The following PTPRG variants were observed in gnomAD, a reference collection of about 807,000 sequenced individuals.
PTPRG encodes protein tyrosine phosphatase receptor type G, also known as receptor-type tyrosine-protein phosphatase gamma.
In PTPRG, 102 loss-of-function variants were observed where a neutral mutation model predicts 165.3. The ratio of observed to expected loss-of-function variants is 0.62; its 90% CI spans 0.53 to 0.73. The LOEUF is 0.73. Among genes scored for constraint, PTPRG ranks in the 30% least tolerant of loss-of-function variants. The pLI, the probability that PTPRG is intolerant of heterozygous loss-of-function variation, is 0.00. For synonymous variants in PTPRG, 675 were observed against 669.5 expected, an observed-to-expected ratio of 1.01 and a Z score of -0.13; for missense variants, 1,866 against 1,861.4, an observed-to-expected ratio of 1.00 and a Z score of -0.05.
At chr3:61,709,480 A>G (rs971142665) in intron 1 of PTPRG, among the ~76,000 whole-genome samples, 2 of 152,052 alleles carry the variant, frequency 1.3e-5, no homozygotes, top group East Asian at 1.9e-4. Context: ...ACAGCTGGCT[A>G]ATTTTTGTAT....
chr3:61,768,231 T>A (rs672699), intron 2 of PTPRG, among the ~76,000 whole-genome samples: 107,845 of 152,116 alleles, frequency 0.71, 39,134 homozygotes, highest in Non-Finnish European at 0.8. Flanking sequence ...CGTGAACTTA[T>A]ATCTCTGTAA....
At chr3:62,132,746 G>C in intron 6 of PTPRG, 78 bp downstream of exon 6, 10 of 1,295,442 alleles carry the variant, frequency 7.7e-6, no homozygotes, top group Non-Finnish European at 1.1e-6. Context: ...AGGTTATCTT[G>C]CAGAGGACAG....
intron 26 of PTPRG, 85 bp downstream of exon 26, chr3:62,277,764 G>A: frequency 6.5e-7 from 1 of 1,534,634 alleles, no homozygotes; most frequent in Admixed American, 1.8e-5. Context: ...TAGGGCTATA[G>A]TATCCATATA....
intron 2 of PTPRG, among the ~76,000 whole-genome samples, chr3:61,934,088 A>G (rs1290259802): frequency 6.6e-6 from 1 of 152,222 alleles, no homozygotes; most frequent in East Asian, 1.9e-4. Context: ...AGCTTGTTCT[A>G]CAGGGTGTTT....
intron 2 of PTPRG, among the ~76,000 whole-genome samples, chr3:61,836,872 G>A (rs960912220): frequency 6.6e-6 from 1 of 150,722 alleles, no homozygotes; most frequent in Non-Finnish European, 1.5e-5. Flanking sequence ...AGCCTCCCTA[G>A]TAGCTGGGAC....
At chr3:62,268,907 C>G (rs139479818) in intron 19 of PTPRG, 128 bp from the exon 20 acceptor site, 31 of 1,049,236 alleles carry the variant, frequency 3.0e-5, no homozygotes, top group South Asian at 1.2e-4. Flanking sequence ...GTTAAACTCA[C>G]GTATTCCTTT....
At chr3:61,817,578 G>C (rs943807364) in intron 2 of PTPRG, among the ~76,000 whole-genome samples, 11 of 152,092 alleles carry the variant, frequency 7.2e-5, no homozygotes, top group Non-Finnish European at 1.3e-4. Context: ...ATGAAACTAG[G>C]TTATGAGGTA....
At position 61,587,190 on chromosome 3, in the gene PTPRG, G is replaced by A. The variant is rs181182806; in HGVS notation, c.85+24818G>A. Among the ~76,000 whole-genome samples the A allele has an allele frequency of 8.5e-5, 13 of 152,314 alleles. No individual in the cohort carries two copies. The East Asian group carries it at 1.7e-3, about 20-fold the overall frequency. On this transcript the variant is annotated intron_variant, in intron 1 of 29. Transcript: ENST00000474889. ...TGTAGAAAGCAAACAGGCATGCTGT[G>A]TATAAAGGGCTTTTAACAGGGAACT...
At chr3:62,175,749 G>T (rs1279103860) in intron 8 of PTPRG, among the ~76,000 whole-genome samples, 1 of 152,202 alleles carries the variant, frequency 6.6e-6, no homozygotes, top group Non-Finnish European at 1.5e-5. Flanking sequence ...ATCAAGTCGT[G>T]TGCTAAGAGC....
chr3:61,584,577 T>G (rs956761808), intron 1 of PTPRG, among the ~76,000 whole-genome samples: 5 of 152,068 alleles, frequency 3.3e-5, no homozygotes, highest in Non-Finnish European at 5.9e-5. Context: ...GTTTAGGTTT[T>G]TTTTTTTTTT....
chr3:61,802,056 G>A (rs562877058), intron 2 of PTPRG, among the ~76,000 whole-genome samples: 109 of 151,652 alleles, frequency 7.2e-4, no homozygotes, highest in Non-Finnish European at 9.0e-4. Flanking sequence ...AGTGTTTCAG[G>A]TCATGTCAGT....
chr3:61,671,902 T>TC (rs969824062), intron 1 of PTPRG, among the ~76,000 whole-genome samples: 6 of 134,222 alleles, frequency 4.5e-5, no homozygotes, highest in Non-Finnish European at 7.9e-5. Context: ...GGGGGGCTGA[T>TC]CCCCCCACCT....
chr3:61,704,857 T>G (rs1415273753), intron 1 of PTPRG, among the ~76,000 whole-genome samples: 2 of 152,204 alleles, frequency 1.3e-5, no homozygotes, highest in Admixed American at 1.3e-4. Flanking sequence ...GCCACCACCT[T>G]CCTGAAGAAC....
At chr3:61,945,560 CAAAAAAAAAA>C (rs71123242) in intron 2 of PTPRG, among the ~76,000 whole-genome samples, 1,109 of 55,474 alleles carry the variant, frequency 0.02, 24 homozygotes, top group African/African-American at 0.071. Flanking sequence ...ACTCCGTCAC[CAAAAAAAAAA>C]AAAAAAAAAA....
Position 61,984,246 on chromosome 3 carries a change from C to A in PTPRG, c.191-5379C>A, listed in dbSNP as rs537348006. 2.0e-5 allele frequency among the ~76,000 whole-genome samples: 3 copies of A among 152,240 alleles called. No individual in the cohort carries two copies. In the South Asian group the frequency reaches 6.2e-4, roughly 32 times the overall value. On this transcript the variant is annotated intron_variant, in intron 2 of 29. Transcript: ENST00000474889. The stretch of plus-strand genomic sequence containing the variant: ...TGGATTATTTTAATGCAGAAATGAG[C>A]TATAGGTTAAGCTAATGATGTTTTT...
At position 62,229,987 on chromosome 3, in the gene PTPRG, T is replaced by A. The variant is rs1315169136; in HGVS notation, c.2289-1238T>A. ...GTTTTTATGAGAATTTGTAAAAACA[T>A]TCCAACACACTCATGATTTCTTCAG... On this transcript the variant is annotated intron_variant, in intron 13 of 29. Transcript: ENST00000474889. This position sits in a 1 kb window ranked among gnomAD's most constrained non-coding sequence, Gnocchi z 4.6. Among the ~76,000 whole-genome samples, 2 of 152,244 alleles carry A rather than the reference T, an allele frequency of 1.3e-5. No individual in the cohort carries two copies. The highest frequency in any genetic ancestry group is 4.8e-5 in the African/African-American group (2 of 41,468).
intron 1 of PTPRG, among the ~76,000 whole-genome samples, chr3:61,634,199 CAAA>C (rs1345643105): frequency 6.6e-6 from 1 of 151,852 alleles, no homozygotes; most frequent in Non-Finnish European, 1.5e-5. Context: ...CTTACTGAAG[CAAA>C]AATACCCAAA....
chr3:61,720,919 A>C (rs890702715), intron 1 of PTPRG, among the ~76,000 whole-genome samples: 1 of 152,192 alleles, frequency 6.6e-6, no homozygotes, highest in African/African-American at 2.4e-5. Context: ...GTTGGCCTTG[A>C]TTATGTAAGT....
In PTPRG at chr3:62,165,446, TG is replaced by T. The variant is rs138436922; in HGVS notation, c.841-2523del. On this transcript the variant is annotated intron_variant, in intron 7 of 29. Transcript: ENST00000474889. ...GCATCTTTAGTTGTCTTCATTTGAG[TG>T]GCTCACATTTGGACAAAGTAATCAG... 9.9e-3 allele frequency among the ~76,000 whole-genome samples: 1,512 copies of T among 152,316 alleles called. 29 individuals are homozygous for T. Among genetic ancestry groups the T allele is most frequent in the African/African-American group, 0.035 (1,455 of 41,568 alleles).
Sources: gnomAD v4.1 joint callset for allele counts (sites outside exome capture counted in the v4.1 genomes callset) on GRCh38, gnomAD v4.1.1 for gene constraint, Gnocchi (gnomAD v3.1) non-coding constraint, MANE v1.5 for transcripts, NCBI Gene and HGNC (gene_info 2026-07-23, HGNC 2026-07-21) for gene names.